POU2F1: variants seen among roughly 807,000 people sequenced by gnomAD.
The protein encoded by POU2F1 is POU class 2 homeobox 1.
A neutral mutation model predicts 84.9 loss-of-function variants in POU2F1; 16 were observed. The ratio of observed to expected loss-of-function variants is 0.19; its 90% CI spans 0.13 to 0.29. The LOEUF (loss-of-function observed/expected upper bound fraction) is 0.29. POU2F1 is among the 10% of genes least tolerant of loss of function. The pLI is 1.00. For missense variants in POU2F1, 738 were observed against 942.6 expected, an observed-to-expected ratio of 0.78 and a Z score of 2.84; for synonymous variants, 368 against 368.3, an observed-to-expected ratio of 1.00 and a Z score of 0.01.
intron 1 of POU2F1, among the ~76,000 whole-genome samples, chr1:167,252,674 A>T (rs996123374): frequency 6.6e-6 from 1 of 152,206 alleles, no homozygotes; most frequent in African/African-American, 2.4e-5. Flanking sequence ...ACTTTGTTGC[A>T]AACTCCAAAC....
chr1:167,262,040 C>T (rs959476354), intron 1 of POU2F1, among the ~76,000 whole-genome samples: 4 of 152,174 alleles, frequency 2.6e-5, no homozygotes, highest in East Asian at 1.9e-4. Flanking sequence ...AAATATGTTT[C>T]GTGTACCTAA....
rs1287680875 is a variant in POU2F1, at chr1:167,375,884, G to A, written c.592-145G>A. ...ACGTGCTTTGTCAAGCACACACAGAGCATACCCTGTTTGGAATATGAAAGC... is the reference window on the plus strand; with the variant it reads ...ACGTGCTTTGTCAAGCACACACAGAACATACCCTGTTTGGAATATGAAAGC... On this transcript the variant is annotated intron_variant, in intron 6 of 15. Transcript: ENST00000367866. 2.5e-5 allele frequency: 25 copies of A among 1,017,698 alleles called. No homozygotes were observed. In the Admixed American group the frequency reaches 5.0e-4, roughly 20 times the overall value. 63.0% of individuals were successfully genotyped at this position (1,017,698 alleles called of 1,614,324 possible).
rs747574898 is a variant in POU2F1, at chr1:167,365,531, A to G, written c.192A>G (p.Thr64=). 4.2e-5 allele frequency: 68 copies of G among 1,602,964 alleles called. No homozygotes were observed. The South Asian group carries it at 7.1e-4, about 17-fold the overall frequency. ...TGCCTGTAGGAGGAGCAATCTCAACAGCCCAGGCGCAGGCTTTCCTTGGAC... is the reference window on the plus strand; with the variant it reads ...TGCCTGTAGGAGGAGCAATCTCAACGGCCCAGGCGCAGGCTTTCCTTGGAC... ...QPVPVGGAIS[T]AQAQAFLGHL... is the part of the protein sequence containing the mutation. Residue 64 remains threonine, a synonymous_variant, in exon 3 of 16, where the codon ACA becomes ACG. Transcript: ENST00000367866.
intron 1 of POU2F1, among the ~76,000 whole-genome samples, chr1:167,264,466 G>C (rs1651798174): frequency 6.6e-6 from 1 of 152,152 alleles, no homozygotes; most frequent in Admixed American, 6.5e-5. Context: ...GGAGGAACCA[G>C]ATCATATAGA....
At chr1:167,370,646 A>C (rs987482124) in intron 4 of POU2F1, among the ~76,000 whole-genome samples, 1 of 152,168 alleles carries the variant, frequency 6.6e-6, no homozygotes, top group Non-Finnish European at 1.5e-5. Flanking sequence ...TTGCATTCTC[A>C]TTCTGCCACT....
At chr1:167,221,711 CTG>C (rs1648206089) in intron 1 of POU2F1, among the ~76,000 whole-genome samples, 2 of 151,522 alleles carry the variant, frequency 1.3e-5, no homozygotes, top group Admixed American at 1.3e-4. Context: ...ATGTGGTGGC[CTG>C]ACCCAAGCCA....
At chr1:167,319,283 GTTTCCCAACTTT>G (rs1162592939) in intron 1 of POU2F1, among the ~76,000 whole-genome samples, 3 of 152,146 alleles carry the variant, frequency 2.0e-5, no homozygotes, top group African/African-American at 7.2e-5. Flanking sequence ...TATTTTACCT[GTTTCCCAACTTT>G]TTGTTGTCGG....
intron 1 of POU2F1, among the ~76,000 whole-genome samples, chr1:167,255,799 A>G (rs1188235431): frequency 6.6e-6 from 1 of 152,210 alleles, no homozygotes; most frequent in African/African-American, 2.4e-5. Context: ...TTTCTCACCT[A>G]TATGAAGAAT....
intron 1 of POU2F1, among the ~76,000 whole-genome samples, chr1:167,330,773 C>T (rs1657031272): frequency 6.6e-6 from 1 of 152,094 alleles, no homozygotes; most frequent in Non-Finnish European, 1.5e-5. Context: ...ATGAATTGTA[C>T]AAAGTCAGGC....
intron 9 of POU2F1, among the ~76,000 whole-genome samples, chr1:167,393,043 A>G (rs1333695922): frequency 6.6e-6 from 1 of 152,242 alleles, no homozygotes; most frequent in Non-Finnish European, 1.5e-5. Context: ...TCTTTGCATA[A>G]TTAGAAAACA....
intron 1 of POU2F1, among the ~76,000 whole-genome samples, chr1:167,323,289 T>A (rs2102640916): frequency 6.6e-6 from 1 of 152,334 alleles, no homozygotes; most frequent in Non-Finnish European, 1.5e-5. Context: ...AAAACTTTAA[T>A]AGAGCTACAC....
At chr1:167,315,901 A>G (rs1655859886) in intron 1 of POU2F1, among the ~76,000 whole-genome samples, 1 of 152,200 alleles carries the variant, frequency 6.6e-6, no homozygotes, top group South Asian at 2.1e-4. Context: ...AGGAATAACT[A>G]TTGATACACA....
chr1:167,263,087 C>T (rs1651687049), intron 1 of POU2F1, among the ~76,000 whole-genome samples: 1 of 152,130 alleles, frequency 6.6e-6, no homozygotes, highest in Non-Finnish European at 1.5e-5. Context: ...AAGTGTTTTC[C>T]ATTGTTGGAA....
At chr1:167,371,594 T>C (rs938528726) in intron 4 of POU2F1, among the ~76,000 whole-genome samples, 1 of 152,202 alleles carries the variant, frequency 6.6e-6, no homozygotes, top group Non-Finnish European at 1.5e-5. Flanking sequence ...AGGTCTAATG[T>C]AGAGGTGAAT....
chr1:167,312,169 C>G (rs1280956374), intron 1 of POU2F1, among the ~76,000 whole-genome samples: 1 of 151,662 alleles, frequency 6.6e-6, no homozygotes, highest in African/African-American at 2.4e-5. Flanking sequence ...AACTCCTCAC[C>G]TTATGATCCA....
At chr1:167,321,173 A>G (rs900604072) in intron 1 of POU2F1, among the ~76,000 whole-genome samples, 4 of 152,228 alleles carry the variant, frequency 2.6e-5, no homozygotes, top group African/African-American at 9.6e-5. Context: ...TCATCCATAT[A>G]ATGAATAATG....
At chr1:167,331,131 A>G (rs577929337) in intron 1 of POU2F1, among the ~76,000 whole-genome samples, 2 of 152,204 alleles carry the variant, frequency 1.3e-5, no homozygotes, top group East Asian at 3.9e-4. Context: ...CCACAAACAT[A>G]TGAATTTTAA....
chr1:167,406,704 C>T (rs1476654952), intron 13 of POU2F1, among the ~76,000 whole-genome samples: 1 of 152,078 alleles, frequency 6.6e-6, no homozygotes, highest in Non-Finnish European at 1.5e-5. Context: ...AAATAAATTA[C>T]ATTTGTATGT....
intron 15 of POU2F1, among the ~76,000 whole-genome samples, chr1:167,413,987 T>TAAAA (rs372662250): frequency 2.1e-3 from 270 of 126,438 alleles, no homozygotes; most frequent in African/African-American, 7.4e-3. Flanking sequence ...ACCCTGTTTC[T>TAAAA]AAAAAAAAAA....
Sources: allele counts gnomAD v4.1 joint callset (sites outside exome capture counted in the v4.1 genomes callset), GRCh38; gene constraint gnomAD v4.1.1; transcripts MANE v1.5; gene names NCBI Gene and HGNC (gene_info 2026-07-23, HGNC 2026-07-21).